The following C19orf47 variants were observed in gnomAD, a reference collection of about 807,000 sequenced individuals.
C19orf47 encodes the protein chromosome 19 open reading frame 47, also known as uncharacterized protein C19orf47.
C19orf47 carries 18 observed loss-of-function variants against 32.3 expected under a neutral mutation model. The observed-to-expected ratio is 0.56, with a 90% confidence interval of 0.39 to 0.83. The LOEUF (loss-of-function observed/expected upper bound fraction) is 0.83. C19orf47 is among the 40% of genes least tolerant of loss of function. The pLI is 0.00. For missense variants in C19orf47, 484 were observed against 531.6 expected (o/e 0.91, Z 0.88); for synonymous variants, 202 against 211.1 (o/e 0.96, Z 0.37).
chr19:40,341,729 C>T, intron 2 of C19orf47, 110 bp downstream of exon 2: 1 of 1,469,810 alleles, frequency 6.8e-7, no homozygotes, highest in South Asian at 1.3e-5. Context: ...TACAGCTGTT[C>T]CTGCCAGTGA....
In C19orf47 at chr19:40,333,881, G is replaced by C. The variant is rs768097234; in HGVS notation, c.271C>G (p.Leu91Val). The C allele has an allele frequency of 1.3e-6, 2 of 1,580,352 alleles. No homozygotes were observed. Among genetic ancestry groups the C allele is most frequent in the South Asian group, 1.2e-5 (1 of 86,520 alleles). ...GTGCCACGGCGAATTTCGCCTGCAAGGGGGCTAGGGCTGCAGGGTACTGAC... is the reference window on the plus strand; with the variant it reads ...GTGCCACGGCGAATTTCGCCTGCAACGGGGCTAGGGCTGCAGGGTACTGAC... ...TESVPCSPSP[L>V]AGEIRRGTSA... is the part of the protein sequence containing the mutation. The change falls in exon 5 of 9, where the codon CTT becomes GTT. Residue 91 changes from leucine to valine, a missense_variant. Around this residue, in one of 3 missense-constraint regions of C19orf47, gnomAD observed 376 missense variants for 370.2 expected, o/e 1.02. Transcript: ENST00000683109.
At chr19:40,342,110 C>A (rs959394340) in intron 1 of C19orf47, 9 of 952,376 alleles carry the variant, frequency 9.5e-6, no homozygotes, top group African/African-American at 1.8e-5. Flanking sequence ...AGCAAATGTC[C>A]ACAGCTCCAT....
chr19:40,337,749 A>C (rs887609975), intron 2 of C19orf47, among the ~76,000 whole-genome samples: 4 of 152,168 alleles, frequency 2.6e-5, no homozygotes, highest in African/African-American at 9.7e-5. Flanking sequence ...CACATCTCCA[A>C]GAAGGCCCCT....
chr19:40,335,839 G>A (rs1283814251), intron 4 of C19orf47, among the ~76,000 whole-genome samples: 1 of 152,168 alleles, frequency 6.6e-6, no homozygotes, highest in Non-Finnish European at 1.5e-5. Context: ...TCAATCTCCT[G>A]ACTTCGTGAT....
the C19orf47 span, among the ~76,000 whole-genome samples, chr19:40,309,248 G>T: frequency 6.7e-6 from 1 of 148,662 alleles, no homozygotes; most frequent in African/African-American, 2.5e-5. Context: ...CTGGTGTACA[G>T]TGGCTCGGTC....
intron 5 of C19orf47, among the ~76,000 whole-genome samples, chr19:40,331,546 G>A (rs2077953324): frequency 6.6e-6 from 1 of 152,138 alleles, no homozygotes; most frequent in African/African-American, 2.4e-5. Flanking sequence ...GCTGAGGCAG[G>A]AGGATCACTT....
the C19orf47 span, among the ~76,000 whole-genome samples, chr19:40,314,444 G>A: frequency 6.6e-6 from 1 of 151,936 alleles, no homozygotes; most frequent in Non-Finnish European, 1.5e-5. Flanking sequence ...AAAAACAATG[G>A]GAGTATAACA....
chr19:40,313,378 G>A, the C19orf47 span, among the ~76,000 whole-genome samples: 2 of 152,124 alleles, frequency 1.3e-5, no homozygotes, highest in African/African-American at 2.4e-5. Context: ...AGGCTAGAGT[G>A]CAGTGTCGTG....
chr19:40,294,697 A>G, the C19orf47 span, among the ~76,000 whole-genome samples: 1 of 152,162 alleles, frequency 6.6e-6, no homozygotes, highest in Non-Finnish European at 1.5e-5. Flanking sequence ...TGGCTTTTCC[A>G]TCAGTGAGAA....
chr19:40,315,198 A>G (rs2077653753), downstream of C19orf47, among the ~76,000 whole-genome samples: 1 of 152,212 alleles, frequency 6.6e-6, no homozygotes, highest in African/African-American at 2.4e-5. Flanking sequence ...TGAATAAACT[A>G]TAGACTTTAG....
In C19orf47 at chr19:40,326,223, C is replaced by A. The variant is rs2077825192; in HGVS notation, c.592+111G>T. 6.2e-6 allele frequency: 9 copies of A among 1,445,858 alleles called. No homozygotes were observed. The South Asian group carries it at 1.2e-4, about 20-fold the overall frequency. 89.6% of individuals were successfully genotyped at this position (1,445,858 alleles called of 1,614,324 possible). A position where few individuals can be genotyped will look rare whatever the true frequency, so the allele number is the denominator to read the frequency against. ...CCCCTTGGCCTACGGCTCCTGCATCCCCGTTAGAACCTGCTTCTCAGCCAC... is the reference window on the plus strand; with the variant it reads ...CCCCTTGGCCTACGGCTCCTGCATCACCGTTAGAACCTGCTTCTCAGCCAC... On this transcript the variant is annotated intron_variant, in intron 7 of 8. Transcript: ENST00000683109.
intron 6 of C19orf47, 151 bp from the exon 7 acceptor site, chr19:40,326,637 A>G (rs545871597): frequency 3.0e-6 from 3 of 988,122 alleles, no homozygotes; most frequent in South Asian, 3.4e-5. Flanking sequence ...ACCGAACCAC[A>G]GAGAAACTCA....
At chr19:40,309,886 T>C in the C19orf47 span, among the ~76,000 whole-genome samples, 2 of 152,094 alleles carry the variant, frequency 1.3e-5, no homozygotes, top group Non-Finnish European at 2.9e-5. Context: ...GGTGAGGATG[T>C]GGAGAAAATG....
Position 40,336,229 on chromosome 19 carries a change from A to C in C19orf47, c.108-5T>G. The C allele has an allele frequency of 6.2e-7, 1 of 1,614,188 alleles. No homozygotes were observed. Among genetic ancestry groups the C allele is most frequent in the South Asian group, 1.1e-5 (1 of 91,088 alleles). On this transcript the variant is annotated splice_polypyrimidine_tract_variant and splice_region_variant and intron_variant, in intron 3 of 8. Coordinates refer to ENST00000683109, the MANE Select transcript of C19orf47 (RefSeq NM_001256441.2). ...AGCAGCATGCTCTTCTGAATCCTGC[A>C]GGGAAAGGTCAGTGGTGAGGCCCCA...
chr19:40,323,073 C>T (rs571891484), intron 8 of C19orf47, among the ~76,000 whole-genome samples: 151 of 152,294 alleles, frequency 9.9e-4, no homozygotes, highest in African/African-American at 3.4e-3. Context: ...AAGTATAATC[C>T]TATGTATTGA....
At chr19:40,333,114 C>T (rs901283817) in intron 5 of C19orf47, among the ~76,000 whole-genome samples, 1 of 151,684 alleles carries the variant, frequency 6.6e-6, no homozygotes, top group Non-Finnish European at 1.5e-5. Flanking sequence ...AAAAATTAGC[C>T]GGGTGTGGTG....
chr19:40,327,117 G>A (rs1472905338), intron 6 of C19orf47, among the ~76,000 whole-genome samples: 2 of 147,672 alleles, frequency 1.4e-5, no homozygotes, highest in African/African-American at 2.5e-5. Flanking sequence ...AGGTTCAATC[G>A]ATTCTCCTGC....
chr19:40,307,390 C>T, the C19orf47 span, among the ~76,000 whole-genome samples: 2 of 152,112 alleles, frequency 1.3e-5, no homozygotes, highest in South Asian at 2.1e-4. Context: ...CCACCATACC[C>T]GAGCAGGTGT....
At chr19:40,312,519 TG>T in the C19orf47 span, among the ~76,000 whole-genome samples, 3 of 150,440 alleles carry the variant, frequency 2.0e-5, no homozygotes, top group Non-Finnish European at 4.4e-5. Flanking sequence ...CACTCCAGCC[TG>T]GGCGACAGAG....
Sources: gnomAD v4.1 joint callset for allele counts (sites outside exome capture counted in the v4.1 genomes callset) on GRCh38, gnomAD v4.1.1 for gene constraint, gnomAD v4.1.1 regional missense constraint, MANE v1.5 for transcripts, NCBI Gene and HGNC (gene_info 2026-07-23, HGNC 2026-07-21) for gene names.